The following KRTAP5-7 variants were observed in gnomAD, a reference collection of about 807,000 sequenced individuals.
KRTAP5-7 encodes the protein keratin-associated protein 5-7.
KRTAP5-7 carries 1 observed loss-of-function variant against 2.4 expected under a neutral mutation model. The observed-to-expected ratio is 0.42, with a 90% CI of 0.15 to 2.01. The LOEUF (loss-of-function observed/expected upper bound fraction) is 2.01. Ranked by LOEUF, KRTAP5-7 falls within the 30% of genes most tolerant of loss-of-function variation. KRTAP5-7 has a pLI of 0.29. For synonymous variants in KRTAP5-7, 55 were observed against 80.8 expected, an observed-to-expected ratio of 0.68 and a Z score of 1.71; for missense variants, 161 against 200.8, an observed-to-expected ratio of 0.80 and a Z score of 1.20.
Position 71,528,006 on chromosome 11 carries a change from C to T in KRTAP5-7, c.*208C>T. 1 of 1,017,298 alleles carries T rather than the reference C, an allele frequency of 9.8e-7. No individual in the cohort carries two copies. Among genetic ancestry groups the T allele is most frequent in the Non-Finnish European group, 1.4e-6 (1 of 701,612 alleles). 63.0% of individuals were successfully genotyped at this position (1,017,298 alleles called of 1,614,324 possible). On this transcript the variant is annotated 3_prime_UTR_variant, in exon 1 of 1. Transcript: ENST00000398536. ...AATTCTCTTCCCAAGTCAACTGCAACTGCGGCTGAATCACCCCTCACCCGC... is the reference window on the plus strand; with the variant it reads ...AATTCTCTTCCCAAGTCAACTGCAATTGCGGCTGAATCACCCCTCACCCGC...
At position 71,528,030 on chromosome 11, in the gene KRTAP5-7, G is replaced by A. The variant is rs924031993; in HGVS notation, c.*232G>A. ...ACTGCGGCTGAATCACCCCTCACCCGCTAGCCTTGCCTTTGCTTGTGTATT... is the reference window on the plus strand; with the variant it reads ...ACTGCGGCTGAATCACCCCTCACCCACTAGCCTTGCCTTTGCTTGTGTATT... On this transcript the variant is annotated 3_prime_UTR_variant, in exon 1 of 1. Coordinates refer to ENST00000398536, the MANE Select transcript of KRTAP5-7 (RefSeq NM_001012503.2). 16 of 826,324 alleles carry A rather than the reference G, an allele frequency of 1.9e-5. No homozygotes were observed. Among genetic ancestry groups the A allele is most frequent in the East Asian group, 5.5e-5 (2 of 36,050 alleles). The allele number at this position is 826,324 out of a possible 1,614,324, so 51.2% of individuals were successfully genotyped here.
Position 71,527,867 on chromosome 11 carries a change from C to T in KRTAP5-7, c.*69C>T, listed in dbSNP as rs1022797313. The T allele has an allele frequency of 2.0e-5, 32 of 1,605,532 alleles. No homozygotes were observed. Among genetic ancestry groups the T allele is most frequent in the South Asian group, 3.4e-5 (3 of 89,526 alleles). Reference sequence around the variant, plus strand: ...TCCGAAGCTGTGACCTGTCCTTCATCGTTGAGCCCCAAACCACTGCTCAGG... The same window carrying T: ...TCCGAAGCTGTGACCTGTCCTTCATTGTTGAGCCCCAAACCACTGCTCAGG... On this transcript the variant is annotated 3_prime_UTR_variant, in exon 1 of 1. Transcript: ENST00000398536.
chr11:71,527,364 G>T lies in KRTAP5-7; in HGVS notation c.64G>T (p.Gly22Trp). ...SGCGGCGSGC[G>W]GCGSGCGGCG... is the part of the protein sequence containing the mutation. ...CTGTGGGGGCTGTGGCTCCGGCTGT[G>T]GGGGCTGTGGCTCTGGCTGTGGGGG... Residue 22 changes from glycine to tryptophan, a missense_variant, in exon 1 of 1, where the codon GGG becomes TGG. Physicochemically the swap from Gly to Trp is radical, Grantham distance 184. Around this residue, in one of 4 missense-constraint regions of KRTAP5-7, gnomAD observed 116 missense variants for 113.7 expected, o/e 1.02. Coordinates refer to ENST00000398536, the MANE Select transcript of KRTAP5-7 (RefSeq NM_001012503.2). 6.2e-7 allele frequency: 1 copy of T among 1,611,824 alleles called. No homozygotes were observed. The highest frequency in any genetic ancestry group is 8.5e-7 in the Non-Finnish European group (1 of 1,179,334).
Position 71,527,588 on chromosome 11 carries a change from C to A in KRTAP5-7, c.288C>A (p.Ser96Arg). 1 of 1,613,452 alleles carries A rather than the reference C, an allele frequency of 6.2e-7. No homozygotes were observed. The highest frequency in any genetic ancestry group is 8.5e-7 in the Non-Finnish European group (1 of 1,179,636). ...GTTCTTGTGGCTGCTCCCAGTGCAGCTGCTATAAGCCCTGCTGCTGCTCCT... is the reference window on the plus strand; with the variant it reads ...GTTCTTGTGGCTGCTCCCAGTGCAGATGCTATAAGCCCTGCTGCTGCTCCT... ...GCGSCGCSQC[S>R]CYKPCCCSSG... Residue 96 changes from serine (S) to arginine (R), a missense_variant, in exon 1 of 1, where the codon AGC becomes AGA. Physicochemically the swap from Ser to Arg is moderately radical, Grantham distance 110 (BLOSUM62 -1). Around this residue, in one of 4 missense-constraint regions of KRTAP5-7, gnomAD observed 17 missense variants for 26.8 expected, o/e 0.63. Transcript: ENST00000398536.
Position 71,527,888 on chromosome 11 carries a change from T to C in KRTAP5-7, c.*90T>C. ...TCATCGTTGAGCCCCAAACCACTGC[T>C]CAGGGTCCATTCCTCACTATAAGAT... On this transcript the variant is annotated 3_prime_UTR_variant, in exon 1 of 1. Coordinates refer to ENST00000398536, the MANE Select transcript of KRTAP5-7 (RefSeq NM_001012503.2). 4.4e-6 allele frequency: 7 copies of C among 1,592,906 alleles called. No homozygotes were observed. The highest frequency in any genetic ancestry group is 6.0e-6 in the Non-Finnish European group (7 of 1,167,676).
rs995253343 is a variant in KRTAP5-7 at position 71,528,590 on chromosome 11, G to A, written c.*792G>A. On this transcript the variant is annotated 3_prime_UTR_variant, in exon 1 of 1. Coordinates refer to ENST00000398536, the MANE Select transcript of KRTAP5-7 (RefSeq NM_001012503.2). ...GGCCTCTGCCATCTTCCTTTGGGAA[G>A]TTTTTGTAACCAACTTACTCTGATT... 5 of 167,236 alleles carry A rather than the reference G, an allele frequency of 3.0e-5. No individual in the cohort carries two copies. Among genetic ancestry groups the A allele is most frequent in the African/African-American group, 1.2e-4 (5 of 41,478 alleles). 10.4% of individuals were successfully genotyped at this position (167,236 alleles called of 1,614,324 possible). A position where few individuals can be genotyped will look rare whatever the true frequency, so the allele number is the denominator to read the frequency against.
chr11:71,527,962 T>C lies in KRTAP5-7; in HGVS notation c.*164T>C. ...CCTAAGGAGAGTCCACCCTAATTAA[T>C]GTCCATTCCCTCCTAACAAATTCTC... On this transcript the variant is annotated 3_prime_UTR_variant, in exon 1 of 1. Coordinates refer to ENST00000398536, the MANE Select transcript of KRTAP5-7 (RefSeq NM_001012503.2). The C allele has an allele frequency of 3.0e-6, 4 of 1,314,126 alleles. No homozygotes were observed. The highest frequency in any genetic ancestry group is 4.2e-6 in the Non-Finnish European group (4 of 950,600). 81.4% of individuals were successfully genotyped at this position (1,314,126 alleles called of 1,614,324 possible). A position where few individuals can be genotyped will look rare whatever the true frequency, so the allele number is the denominator to read the frequency against.
In KRTAP5-7 at chr11:71,527,943, G is replaced by A. The variant is rs1950003838; in HGVS notation, c.*145G>A. ...CCATATCTGCCTGCCTTTTCCTAAG[G>A]AGAGTCCACCCTAATTAATGTCCAT... is the stretch of plus-strand genomic sequence containing the variant. On this transcript the variant is annotated 3_prime_UTR_variant, in exon 1 of 1. Coordinates refer to ENST00000398536, the MANE Select transcript of KRTAP5-7 (RefSeq NM_001012503.2). 11 of 1,446,938 alleles carry A rather than the reference G, an allele frequency of 7.6e-6. No individual in the cohort carries two copies. The highest frequency in any genetic ancestry group is 1.0e-5 in the Non-Finnish European group (11 of 1,058,756). 89.6% of individuals were successfully genotyped at this position (1,446,938 alleles called of 1,614,324 possible).
At position 71,527,834 on chromosome 11, in the gene KRTAP5-7, C is replaced by A; in HGVS notation, c.*36C>A. On this transcript the variant is annotated 3_prime_UTR_variant, in exon 1 of 1. Coordinates refer to ENST00000398536, the MANE Select transcript of KRTAP5-7 (RefSeq NM_001012503.2). ...TCAGGTCTCATGTGAGTCCTGCTAA[C>A]CCCATTTTCCGAAGCTGTGACCTGT... The A allele has an allele frequency of 6.2e-7, 1 of 1,613,492 alleles. No homozygotes were observed. Among genetic ancestry groups the A allele is most frequent in the East Asian group, 2.2e-5 (1 of 44,872 alleles).
chr11:71,527,417 C>G lies in KRTAP5-7; in HGVS notation c.117C>G (p.Val39=). Residue 39 remains valine (V), a synonymous_variant, in exon 1 of 1, where the codon GTC becomes GTG. Coordinates refer to ENST00000398536, the MANE Select transcript of KRTAP5-7 (RefSeq NM_001012503.2). ...GGCGSSCCVP[V]CCCKPVCCCV... ...GTGGCTCCAGCTGCTGTGTGCCCGT[C>G]TGCTGCTGCAAGCCCGTGTGCTGCT... 3 of 1,611,996 alleles carry G rather than the reference C, an allele frequency of 1.9e-6. No homozygotes were observed. Among genetic ancestry groups the G allele is most frequent in the Non-Finnish European group, 2.5e-6 (3 of 1,179,390 alleles).
chr11:71,528,492 G>C lies in KRTAP5-7; in HGVS notation c.*694G>C, dbSNP rs907125652. The C allele has an allele frequency of 1.8e-5, 3 of 168,446 alleles. No homozygotes were observed. Among genetic ancestry groups the C allele is most frequent in the Admixed American group, 1.3e-4 (2 of 15,520 alleles). The allele number at this position is 168,446 out of a possible 1,614,324, so 10.4% of individuals were successfully genotyped here. A position where few individuals can be genotyped will look rare whatever the true frequency, so the allele number is the denominator to read the frequency against. The stretch of plus-strand genomic sequence containing the variant: ...TGATGGAGACAGGACTGTTCCTCAG[G>C]CCAGGGCCACAGAAGCAGAAGAGGC... On this transcript the variant is annotated 3_prime_UTR_variant, in exon 1 of 1. Transcript: ENST00000398536.
rs751344575 is a variant in KRTAP5-7, at chr11:71,527,661, T to TGCTGCCAGTCCA, written c.367_378dup (p.Gln123_Cys126dup). The TGCTGCCAGTCCA allele has an allele frequency of 2.5e-6, 4 of 1,576,798 alleles. No individual in the cohort carries two copies. Among genetic ancestry groups the TGCTGCCAGTCCA allele is most frequent in the Non-Finnish European group, 3.4e-6 (4 of 1,160,032 alleles). The stretch of plus-strand genomic sequence containing the variant: ...CCAGTCCAGCTGCTGTAAGCCCTGC[T>TGCTGCCAGTCCA]GCTGCCAGTCCAGCTGCTGTAAGCC... On this transcript the variant is annotated inframe_insertion, in exon 1 of 1. Coordinates refer to ENST00000398536, the MANE Select transcript of KRTAP5-7 (RefSeq NM_001012503.2).
rs771408357 is a variant in KRTAP5-7 at position 71,527,267 on chromosome 11, C to T, written c.-34C>T. 6.2e-7 allele frequency: 1 copy of T among 1,613,230 alleles called. No homozygotes were observed. The highest frequency in any genetic ancestry group is 8.5e-7 in the Non-Finnish European group (1 of 1,179,998). On this transcript the variant is annotated 5_prime_UTR_variant, in exon 1 of 1. Transcript: ENST00000398536. ...CACCTGCACCTCCCTCTCACCTGCT[C>T]CTCTACCTGCTCCACCCTCAATCCA...
In KRTAP5-7 at chr11:71,527,737, G is replaced by A. The variant is rs764471214; in HGVS notation, c.437G>A (p.Cys146Tyr). The change falls in exon 1 of 1, where the codon TGC (cysteine) becomes TAC (tyrosine). Residue 146 changes from cysteine to tyrosine, a missense_variant. Physicochemically the swap from Cys to Tyr is radical, Grantham distance 194. This residue lies in a region of KRTAP5-7 where 27 missense variants were observed against 38.5 expected (regional missense o/e 0.70). Transcript: ENST00000398536. ...CGSSCCQSSCCNPCCSQSSCC... is the reference protein window; with the variant it reads ...CGSSCCQSSCYNPCCSQSSCC... ...TCATCCTGCTGCCAGTCCAGTTGCT[G>A]CAATCCCTGCTGCTCCCAGTCTAGC... is the stretch of plus-strand genomic sequence containing the variant. 6.2e-6 allele frequency: 10 copies of A among 1,612,142 alleles called. No individual in the cohort carries two copies. Among genetic ancestry groups the A allele is most frequent in the Non-Finnish European group, 5.9e-6 (7 of 1,178,926 alleles).
Position 71,527,794 on chromosome 11 carries a change from T to G in KRTAP5-7, c.494T>G (p.Ile165Ser). Residue 165 changes from isoleucine (I) to serine (S), a missense_variant, in exon 1 of 1, where the codon ATC becomes AGC. By Grantham distance (142) the Ile-to-Ser change is moderately radical (BLOSUM62 -2). Coordinates refer to ENST00000398536, the MANE Select transcript of KRTAP5-7 (RefSeq NM_001012503.2). ...GTCCCCGTGTGCTGCCAGTGTAAGA[T>G]CTGAGGCTCTGGACTCAGGTCTCAT... is the stretch of plus-strand genomic sequence containing the variant. ...CCVPVCCQCK[I>S] 1.2e-6 allele frequency: 2 copies of G among 1,606,168 alleles called. No homozygotes were observed. Among genetic ancestry groups the G allele is most frequent in the Non-Finnish European group, 1.7e-6 (2 of 1,177,448 alleles).
Position 71,527,873 on chromosome 11 carries a change from G to C in KRTAP5-7, c.*75G>C. Reference sequence around the variant, plus strand: ...GCTGTGACCTGTCCTTCATCGTTGAGCCCCAAACCACTGCTCAGGGTCCAT... The same window carrying C: ...GCTGTGACCTGTCCTTCATCGTTGACCCCCAAACCACTGCTCAGGGTCCAT... On this transcript the variant is annotated 3_prime_UTR_variant, in exon 1 of 1. Transcript: ENST00000398536. 6.2e-7 allele frequency: 1 copy of C among 1,603,200 alleles called. No individual in the cohort carries two copies. Among genetic ancestry groups the C allele is most frequent in the Non-Finnish European group, 8.5e-7 (1 of 1,173,618 alleles).
chr11:71,527,911 G>A lies in KRTAP5-7; in HGVS notation c.*113G>A. ...GCTCAGGGTCCATTCCTCACTATAA[G>A]ATGAAGCCATATCTGCCTGCCTTTT... is the stretch of plus-strand genomic sequence containing the variant. On this transcript the variant is annotated 3_prime_UTR_variant, in exon 1 of 1. Transcript: ENST00000398536. 6 of 1,560,098 alleles carry A rather than the reference G, an allele frequency of 3.8e-6. No individual in the cohort carries two copies. The highest frequency in any genetic ancestry group is 5.2e-6 in the Non-Finnish European group (6 of 1,146,612).
Position 71,527,790 on chromosome 11 carries a change from A to G in KRTAP5-7, c.490A>G (p.Lys164Glu), listed in dbSNP as rs747894634. The change falls in exon 1 of 1, where the codon AAG (lysine) becomes GAG (glutamate). Residue 164 changes from lysine (K) to glutamate (E), a missense_variant. Physicochemically the swap from Lys to Glu is moderately conservative, Grantham distance 56 (BLOSUM62 1). Around this residue, in one of 4 missense-constraint regions of KRTAP5-7, gnomAD observed 27 missense variants for 38.5 expected, o/e 0.70. Coordinates refer to ENST00000398536, the MANE Select transcript of KRTAP5-7 (RefSeq NM_001012503.2). ...CTGTGTCCCCGTGTGCTGCCAGTGT[A>G]AGATCTGAGGCTCTGGACTCAGGTC... ...SCCVPVCCQC[K>E]I 1.2e-5 allele frequency: 19 copies of G among 1,614,030 alleles called. No individual in the cohort carries two copies. In the South Asian group the frequency reaches 2.1e-4, roughly 18 times the overall value.
chr11:71,527,815 C>G lies in KRTAP5-7; in HGVS notation c.*17C>G, dbSNP rs1472516176. 3 of 1,614,188 alleles carry G rather than the reference C, an allele frequency of 1.9e-6. No individual in the cohort carries two copies. Among genetic ancestry groups the G allele is most frequent in the East Asian group, 2.2e-5 (1 of 44,878 alleles). On this transcript the variant is annotated 3_prime_UTR_variant, in exon 1 of 1. Coordinates refer to ENST00000398536, the MANE Select transcript of KRTAP5-7 (RefSeq NM_001012503.2). Reference sequence around the variant, plus strand: ...AAGATCTGAGGCTCTGGACTCAGGTCTCATGTGAGTCCTGCTAACCCCATT... The same window carrying G: ...AAGATCTGAGGCTCTGGACTCAGGTGTCATGTGAGTCCTGCTAACCCCATT...
Sources: allele counts gnomAD v4.1 joint callset, GRCh38; gene constraint gnomAD v4.1.1; regional missense constraint gnomAD v4.1.1; transcripts MANE v1.5; gene names NCBI Gene and HGNC (gene_info 2026-07-23, HGNC 2026-07-21).